The following SPOCK1 variants were observed in gnomAD, a reference collection of about 807,000 sequenced individuals.
SPOCK1 encodes SPARC (osteonectin), cwcv and kazal like domains proteoglycan 1, also known as testican-1.
Under a neutral mutation model 55.3 loss-of-function variants are expected in SPOCK1, and 23 were observed. That is an observed-to-expected ratio of 0.42 (90% CI 0.30 to 0.59). The LOEUF (loss-of-function observed/expected upper bound fraction) is 0.59. Among genes scored for constraint, SPOCK1 ranks in the 20% least tolerant of loss-of-function variants. SPOCK1 has a pLI of 0.22. For synonymous variants in SPOCK1, 226 were observed against 221.0 expected, an observed-to-expected ratio of 1.02 and a Z score of -0.20; for missense variants, 499 against 552.5, an observed-to-expected ratio of 0.90 and a Z score of 0.97.
chr5:137,161,914 G>C (rs1175605065), intron 3 of SPOCK1, among the ~76,000 whole-genome samples: 1 of 152,148 alleles, frequency 6.6e-6, no homozygotes, highest in Non-Finnish European at 1.5e-5. Context: ...AGATCTAAGA[G>C]TTGTCACTCC....
intron 2 of SPOCK1, among the ~76,000 whole-genome samples, chr5:137,378,105 C>T (rs1007483934): frequency 2.0e-5 from 3 of 152,016 alleles, no homozygotes; most frequent in East Asian, 1.9e-4. Flanking sequence ...CCACCACATC[C>T]GGCTACTTTT....
At chr5:137,363,597 A>C (rs776573968) in intron 2 of SPOCK1, among the ~76,000 whole-genome samples, 6 of 152,176 alleles carry the variant, frequency 3.9e-5, no homozygotes, top group Non-Finnish European at 7.3e-5. Context: ...AAAGTTAAGA[A>C]TCCTTACTGT....
chr5:137,213,265 T>C (rs1245019893), intron 3 of SPOCK1, among the ~76,000 whole-genome samples: 1 of 152,144 alleles, frequency 6.6e-6, no homozygotes, highest in Non-Finnish European at 1.5e-5. Context: ...TCAGGAGGAA[T>C]CTGAGGCTTA....
intron 2 of SPOCK1, among the ~76,000 whole-genome samples, chr5:137,475,266 A>G (rs1399552426): frequency 1.3e-5 from 2 of 152,176 alleles, no homozygotes; most frequent in African/African-American, 4.8e-5. Flanking sequence ...TGAACCCTTG[A>G]AAAATAACAA....
intron 3 of SPOCK1, among the ~76,000 whole-genome samples, chr5:137,225,043 A>G (rs1388332555): frequency 6.6e-6 from 1 of 152,160 alleles, no homozygotes; most frequent in Non-Finnish European, 1.5e-5. Flanking sequence ...AAAGCATGAA[A>G]GCCCTTCATG....
chr5:137,164,988 G>A (rs1274890586), intron 3 of SPOCK1, among the ~76,000 whole-genome samples: 1 of 152,202 alleles, frequency 6.6e-6, no homozygotes, highest in Non-Finnish European at 1.5e-5. Flanking sequence ...GGTCCTGGGG[G>A]AACTCGCCAC....
intron 2 of SPOCK1, among the ~76,000 whole-genome samples, chr5:137,394,544 T>C (rs1751800584): frequency 6.6e-6 from 1 of 152,212 alleles, no homozygotes; most frequent in Non-Finnish European, 1.5e-5. Flanking sequence ...TTCATCAGCA[T>C]TAGTGCTGGT....
rs750871527 is a variant in SPOCK1, at chr5:137,055,366, C to CA, written c.589+12348dup. Among the ~76,000 whole-genome samples, 124 of 150,852 alleles carry CA rather than the reference C, an allele frequency of 8.2e-4. 1 individual carries two copies. Among genetic ancestry groups the CA allele is most frequent in the Non-Finnish European group, 1.2e-3 (79 of 67,648 alleles). ...CCAGTCACTGTCCTCAATTTTAGGGCAAAAAAAACCCTCTGGGGGTATTGT... is the reference window on the plus strand; with the variant it reads ...CCAGTCACTGTCCTCAATTTTAGGGCAAAAAAAAACCCTCTGGGGGTATTGT... On this transcript the variant is annotated intron_variant, in intron 6 of 10. Coordinates refer to ENST00000394945, the MANE Select transcript of SPOCK1 (RefSeq NM_004598.4).
chr5:137,325,312 C>T (rs888213279), intron 2 of SPOCK1, among the ~76,000 whole-genome samples: 12 of 152,132 alleles, frequency 7.9e-5, no homozygotes, highest in African/African-American at 2.2e-4. Context: ...CTTCTCAAAT[C>T]GGGAAAATTT....
In SPOCK1 at chr5:137,309,160, G is replaced by A. The variant is rs149635804; in HGVS notation, c.187-42105C>T. ...CTAAAAGTAGATAGATCTTCAGTGTGAAGTGAAGGATGCATACATCATTGC... is the reference window on the plus strand; with the variant it reads ...CTAAAAGTAGATAGATCTTCAGTGTAAAGTGAAGGATGCATACATCATTGC... On this transcript the variant is annotated intron_variant, in intron 2 of 10. Coordinates refer to ENST00000394945, the MANE Select transcript of SPOCK1 (RefSeq NM_004598.4). Among the ~76,000 whole-genome samples, 398 of 152,314 alleles carry A rather than the reference G, an allele frequency of 2.6e-3. 1 individual carries two copies. The highest frequency in any genetic ancestry group is 9.0e-3 in the African/African-American group (374 of 41,574).
intron 2 of SPOCK1, among the ~76,000 whole-genome samples, chr5:137,380,724 C>A (rs1751444598): frequency 6.6e-6 from 1 of 152,132 alleles, no homozygotes; most frequent in African/African-American, 2.4e-5. Flanking sequence ...CCCGCCCCTA[C>A]AATCTGATCA....
intron 3 of SPOCK1, among the ~76,000 whole-genome samples, chr5:137,234,188 A>C (rs1378189737): frequency 6.6e-6 from 1 of 152,186 alleles, no homozygotes; most frequent in Non-Finnish European, 1.5e-5. Flanking sequence ...TGTTCTGCTG[A>C]TGGCCCCCAG....
intron 6 of SPOCK1, among the ~76,000 whole-genome samples, chr5:136,995,261 AG>A (rs1158944936): frequency 6.6e-6 from 1 of 152,166 alleles, no homozygotes; most frequent in African/African-American, 2.4e-5. Context: ...AGATGAGCTG[AG>A]AAAGAAGATA....
intron 2 of SPOCK1, among the ~76,000 whole-genome samples, chr5:137,303,111 T>C (rs1339494789): frequency 6.6e-6 from 1 of 152,182 alleles, no homozygotes; most frequent in African/African-American, 2.4e-5. Flanking sequence ...TTTTAAAGTG[T>C]GCACTTTTTT....
intron 3 of SPOCK1, among the ~76,000 whole-genome samples, chr5:137,145,411 C>G (rs1323853548): frequency 6.6e-6 from 1 of 152,134 alleles, no homozygotes; most frequent in Admixed American, 6.5e-5. Flanking sequence ...CTGAATCAAG[C>G]CTTTGCACTC....
chr5:137,054,068 T>C lies in SPOCK1; in HGVS notation c.589+13647A>G, dbSNP rs192075794. Among the ~76,000 whole-genome samples, 173 of 152,224 alleles carry C rather than the reference T, an allele frequency of 1.1e-3. 1 individual carries two copies. The highest frequency in any genetic ancestry group is 4.1e-3 in the African/African-American group (169 of 41,544). On this transcript the variant is annotated intron_variant, in intron 6 of 10. Transcript: ENST00000394945. ...ATCCATGTCTGTGTGTATGTGTGTG[T>C]GCATGCGCATGCACACACATTAAAA... is the stretch of plus-strand genomic sequence containing the variant.
At chr5:137,051,402 CT>C (rs1401071810) in intron 6 of SPOCK1, among the ~76,000 whole-genome samples, 2 of 152,200 alleles carry the variant, frequency 1.3e-5, no homozygotes, top group Admixed American at 1.3e-4. Flanking sequence ...GAAATGATTT[CT>C]TCCTGTTTGA....
intron 2 of SPOCK1, among the ~76,000 whole-genome samples, chr5:137,475,773 T>C (rs997920241): frequency 6.6e-6 from 1 of 151,844 alleles, no homozygotes; most frequent in African/African-American, 2.4e-5. Context: ...GGGGGTCTCA[T>C]TATGTGGCCC....
In SPOCK1 at chr5:137,015,549, C is replaced by T. The variant is rs145234658; in HGVS notation, c.590-22949G>A. On this transcript the variant is annotated intron_variant, in intron 6 of 10. Transcript: ENST00000394945. ...ACATTTTCCCACAAGGTTCTCCTTC[C>T]CCAAATAGGAGCCTGAAGGAATCTG... Among the ~76,000 whole-genome samples, 8 of 152,282 alleles carry T rather than the reference C, an allele frequency of 5.3e-5. No individual in the cohort carries two copies. In the East Asian group the frequency reaches 1.5e-3, roughly 29 times the overall value.
Sources: allele counts gnomAD v4.1 joint callset (sites outside exome capture counted in the v4.1 genomes callset), GRCh38; gene constraint gnomAD v4.1.1; transcripts MANE v1.5; gene names NCBI Gene and HGNC (gene_info 2026-07-23, HGNC 2026-07-21).